The following TMEM94 variants were observed in gnomAD, a reference collection of about 807,000 sequenced individuals.
The protein encoded by TMEM94 is ER Mg2+ ATPase.
In TMEM94, 81 loss-of-function variants were observed where a neutral mutation model predicts 158.6. The ratio of observed to expected loss-of-function variants is 0.51; its 90% CI spans 0.43 to 0.61. The LOEUF is 0.61. TMEM94 is among the 20% of genes least tolerant of loss of function. TMEM94 has a pLI of 0.00. For synonymous variants in TMEM94, 751 were observed against 730.7 expected, an observed-to-expected ratio of 1.03 and a Z score of -0.45; for missense variants, 1,435 against 1,762.0, an observed-to-expected ratio of 0.81 and a Z score of 3.32.
In TMEM94 at chr17:75,498,161, C is replaced by T; in HGVS notation, c.3490-14C>T. ...GGCTGTGCGCCCCAGGAGTGACTGG[C>T]CTTGTTCCCGCAGACCCAGCACTAC... On this transcript the variant is annotated splice_polypyrimidine_tract_variant and intron_variant, in intron 27 of 31. Coordinates refer to ENST00000314256, the MANE Select transcript of TMEM94 (RefSeq NM_014738.6). This position sits in a 1 kb window ranked among gnomAD's most constrained non-coding sequence, Gnocchi z 6.7. 2 of 1,613,538 alleles carry T rather than the reference C, an allele frequency of 1.2e-6. No individual in the cohort carries two copies. The highest frequency in any genetic ancestry group is 1.7e-6 in the Non-Finnish European group (2 of 1,179,910).
rs868037206 is a variant in TMEM94 at position 75,496,998 on chromosome 17, C to G, written c.3322-115C>G. The G allele has an allele frequency of 6.5e-6, 7 of 1,073,084 alleles. No homozygotes were observed. In the East Asian group the frequency reaches 7.2e-5, roughly 11 times the overall value. The allele number at this position is 1,073,084 out of a possible 1,614,324, so 66.5% of individuals were successfully genotyped here. A position where few individuals can be genotyped will look rare whatever the true frequency, so the allele number is the denominator to read the frequency against. ...AGAGTATTCCCTCCGGCCCCTGTTC[C>G]CTCTGGCAGGATGTGAGCATCTATC... On this transcript the variant is annotated intron_variant, in intron 25 of 31. Coordinates refer to ENST00000314256, the MANE Select transcript of TMEM94 (RefSeq NM_014738.6).
At chr17:75,468,793 T>A (rs1472305888) in intron 1 of TMEM94, among the ~76,000 whole-genome samples, 1 of 152,166 alleles carries the variant, frequency 6.6e-6, no homozygotes, top group Non-Finnish European at 1.5e-5. Context: ...ACACAGCTTT[T>A]ATTATTTCTT....
chr17:75,491,484 T>C lies in TMEM94; in HGVS notation c.1386+29T>C. ...GAGGAGGAGGTACGGCCGGCTCCCATGGGCCCGACTCTGGGCCAGGCTGTT... is the reference window on the plus strand; with the variant it reads ...GAGGAGGAGGTACGGCCGGCTCCCACGGGCCCGACTCTGGGCCAGGCTGTT... On this transcript the variant is annotated intron_variant, in intron 13 of 31. Transcript: ENST00000314256. This position sits in a 1 kb window ranked among gnomAD's most constrained non-coding sequence, Gnocchi z 5.1. The C allele has an allele frequency of 6.2e-7, 1 of 1,613,702 alleles. No individual in the cohort carries two copies. Among genetic ancestry groups the C allele is most frequent in the South Asian group, 1.1e-5 (1 of 91,064 alleles).
chr17:75,476,082 A>G (rs1020751270), intron 2 of TMEM94, among the ~76,000 whole-genome samples: 1 of 152,106 alleles, frequency 6.6e-6, no homozygotes, highest in African/African-American at 2.4e-5. Flanking sequence ...GCTTGGCTCC[A>G]TGCTGGGGAG....
At position 75,495,506 on chromosome 17, in the gene TMEM94, C is replaced by T; in HGVS notation, c.2845-38C>T. Reference sequence around the variant, plus strand: ...GGCGGTGGAGGGGAGGGATGCTGATCCCCATCCCGAAGCCGCTGGCATCTC... The same window carrying T: ...GGCGGTGGAGGGGAGGGATGCTGATTCCCATCCCGAAGCCGCTGGCATCTC... On this transcript the variant is annotated intron_variant, in intron 21 of 31. Transcript: ENST00000314256. This position sits in a 1 kb window ranked among gnomAD's most constrained non-coding sequence, Gnocchi z 5.6. 6.2e-7 allele frequency: 1 copy of T among 1,605,686 alleles called. No homozygotes were observed. The highest frequency in any genetic ancestry group is 8.5e-7 in the Non-Finnish European group (1 of 1,173,614).
At chr17:75,460,202 G>A (rs761653990) in intron 1 of TMEM94, among the ~76,000 whole-genome samples, 14 of 152,182 alleles carry the variant, frequency 9.2e-5, no homozygotes, top group Non-Finnish European at 2.1e-4. Flanking sequence ...GGTGAGGGGT[G>A]TCAGAGAGAA....
At chr17:75,475,018 G>A (rs987177346) in intron 2 of TMEM94, among the ~76,000 whole-genome samples, 3 of 152,160 alleles carry the variant, frequency 2.0e-5, no homozygotes, top group African/African-American at 4.8e-5. Context: ...GTCCCTGTGT[G>A]CTGTTCTTTT....
intron 1 of TMEM94, among the ~76,000 whole-genome samples, chr17:75,460,599 G>C (rs1177965307): frequency 9.5e-6 from 1 of 105,736 alleles, no homozygotes; most frequent in East Asian, 2.6e-4. Flanking sequence ...CGGCAGCCTT[G>C]ATCTTCTGGG....
chr17:75,487,846 A>G lies in TMEM94; in HGVS notation c.410-86A>G. On this transcript the variant is annotated intron_variant, in intron 5 of 31. Coordinates refer to ENST00000314256, the MANE Select transcript of TMEM94 (RefSeq NM_014738.6). This position sits in a 1 kb window ranked among gnomAD's most constrained non-coding sequence, Gnocchi z 4.6. ...ACCTCCTGGGAGAGGAAGTGGGCAGACAGTGCTTCCGGAAGTGCTGCTGTA... is the reference window on the plus strand; with the variant it reads ...ACCTCCTGGGAGAGGAAGTGGGCAGGCAGTGCTTCCGGAAGTGCTGCTGTA... 1.8e-6 allele frequency: 2 copies of G among 1,111,916 alleles called. No individual in the cohort carries two copies. The highest frequency in any genetic ancestry group is 2.7e-6 in the Non-Finnish European group (2 of 743,244). 68.9% of individuals were successfully genotyped at this position (1,111,916 alleles called of 1,614,324 possible). A position where few individuals can be genotyped will look rare whatever the true frequency, so the allele number is the denominator to read the frequency against.
Position 75,492,428 on chromosome 17 carries a change from C to T in TMEM94, c.1597-46C>T, listed in dbSNP as rs2052289495. The T allele has an allele frequency of 6.5e-7, 1 of 1,539,178 alleles. No individual in the cohort carries two copies. Among genetic ancestry groups the T allele is most frequent in the Non-Finnish European group, 8.8e-7 (1 of 1,140,124 alleles). Reference sequence around the variant, plus strand: ...GGTGGGCAGAGCCAGTGCTGGCTTCCCCACACCCTATCCCGGGCTGAGGCT... The same window carrying T: ...GGTGGGCAGAGCCAGTGCTGGCTTCTCCACACCCTATCCCGGGCTGAGGCT... On this transcript the variant is annotated intron_variant, in intron 14 of 31. Coordinates refer to ENST00000314256, the MANE Select transcript of TMEM94 (RefSeq NM_014738.6). This position sits in a 1 kb window ranked among gnomAD's most constrained non-coding sequence, Gnocchi z 4.4.
chr17:75,490,597 G>C lies in TMEM94; in HGVS notation c.1072-105G>C, dbSNP rs893673791. The C allele has an allele frequency of 2.5e-5, 27 of 1,095,170 alleles. No homozygotes were observed. The African/African-American group carries it at 4.0e-4, about 16-fold the overall frequency. 67.8% of individuals were successfully genotyped at this position (1,095,170 alleles called of 1,614,324 possible). On this transcript the variant is annotated intron_variant, in intron 10 of 31. Transcript: ENST00000314256. The stretch of plus-strand genomic sequence containing the variant: ...AGAACGGCCTGGGCCCTTTACCAAA[G>C]GGGTTGGGAGCCCCGCTGGTGTGGG...
rs986112533 is a variant in TMEM94, at chr17:75,500,450, A to C, written c.*1116A>C. 2 of 152,918 alleles carry C rather than the reference A, an allele frequency of 1.3e-5. No homozygotes were observed. Among genetic ancestry groups the C allele is most frequent in the African/African-American group, 2.4e-5 (1 of 41,478 alleles). 9.5% of individuals were successfully genotyped at this position (152,918 alleles called of 1,614,324 possible). On this transcript the variant is annotated 3_prime_UTR_variant, in exon 32 of 32. Coordinates refer to ENST00000314256, the MANE Select transcript of TMEM94 (RefSeq NM_014738.6). ...TGATAGAATAAATTCCATTTAAAAT[A>C]TATGCATTTCTCTCTGCTTAGAAAA...
Position 75,479,962 on chromosome 17 carries a change from C to A in TMEM94, c.25-5466C>A, listed in dbSNP as rs527267349. On this transcript the variant is annotated intron_variant, in intron 2 of 31. Transcript: ENST00000314256. ...CCTATCTGGGCTTGGTGGTACACATCTGTGGTCTCAGCTGCTTGGAGGCTG... is the reference window on the plus strand; with the variant it reads ...CCTATCTGGGCTTGGTGGTACACATATGTGGTCTCAGCTGCTTGGAGGCTG... 5.3e-5 allele frequency among the ~76,000 whole-genome samples: 8 copies of A among 151,632 alleles called. No individual in the cohort carries two copies. The South Asian group carries it at 1.3e-3, about 24-fold the overall frequency.
chr17:75,495,252 C>T lies in TMEM94; in HGVS notation c.2729-32C>T. On this transcript the variant is annotated intron_variant, in intron 20 of 31. Coordinates refer to ENST00000314256, the MANE Select transcript of TMEM94 (RefSeq NM_014738.6). This position sits in a 1 kb window ranked among gnomAD's most constrained non-coding sequence, Gnocchi z 5.6. The stretch of plus-strand genomic sequence containing the variant: ...AGGACAGGTTCCCAGAAGGCTGGTC[C>T]CAAGGTGAGGGAGAGGCTTTTGTCC... 2 of 1,545,836 alleles carry T rather than the reference C, an allele frequency of 1.3e-6. No individual in the cohort carries two copies. Among genetic ancestry groups the T allele is most frequent in the Non-Finnish European group, 1.8e-6 (2 of 1,131,434 alleles).
intron 25 of TMEM94, 119 bp from the exon 26 acceptor site, chr17:75,496,994 G>A: frequency 9.4e-7 from 1 of 1,059,826 alleles, no homozygotes. Context: ...TCCGGCCCCT[G>A]TTCCCTCTGG....
intron 2 of TMEM94, chr17:75,476,453 C>A: frequency 7.5e-7 from 1 of 1,334,766 alleles, no homozygotes; most frequent in Non-Finnish European, 9.7e-7. Flanking sequence ...AGGGCTGCTG[C>A]CTCCTCCTCC....
intron 2 of TMEM94, among the ~76,000 whole-genome samples, chr17:75,478,191 G>A (rs2050847545): frequency 1.5e-5 from 2 of 129,050 alleles, no homozygotes; most frequent in Non-Finnish European, 3.3e-5. Context: ...AATTTTTTTT[G>A]TATTTTTAGT....
At chr17:75,497,731 G>A in intron 26 of TMEM94, 50 bp from the exon 27 acceptor site, 1 of 1,476,290 alleles carries the variant, frequency 6.8e-7, no homozygotes, top group Non-Finnish European at 9.5e-7. Flanking sequence ...TGAGAATTGA[G>A]GGACAGAGGG....
At position 75,485,512 on chromosome 17, in the gene TMEM94, C is replaced by A; in HGVS notation, c.109C>A (p.His37Asn). The A allele has an allele frequency of 3.7e-6, 6 of 1,614,214 alleles. No individual in the cohort carries two copies. The highest frequency in any genetic ancestry group is 5.1e-6 in the Non-Finnish European group (6 of 1,180,032). The change falls in exon 3 of 32, where the codon CAT becomes AAT. Residue 37 changes from histidine to asparagine, a missense_variant. Coordinates refer to ENST00000314256, the MANE Select transcript of TMEM94 (RefSeq NM_014738.6). The surrounding 1 kb of genome is among the most constrained non-coding windows in gnomAD (Gnocchi z 5.5). ...KEQLEAVLEG[H>N]LRERKKCLTW... is the part of the protein sequence containing the mutation. Reference sequence around the variant, plus strand: ...GCAGCTGGAGGCAGTGCTGGAAGGACATCTCAGGGAGCGGAAGAAGTGTCT... The same window carrying A: ...GCAGCTGGAGGCAGTGCTGGAAGGAAATCTCAGGGAGCGGAAGAAGTGTCT...
Sources: gnomAD v4.1 joint callset for allele counts (sites outside exome capture counted in the v4.1 genomes callset) on GRCh38, gnomAD v4.1.1 for gene constraint, Gnocchi (gnomAD v3.1) non-coding constraint, MANE v1.5 for transcripts, NCBI Gene and HGNC (gene_info 2026-07-23, HGNC 2026-07-21) for gene names.